BABAM2: variants seen among roughly 807,000 people sequenced by gnomAD.
BABAM2 encodes BRISC and BRCA1-A complex member 2.
A neutral mutation model predicts 54.7 loss-of-function variants in BABAM2; 31 were observed. The observed-to-expected ratio is 0.57, with a 90% CI of 0.43 to 0.77. BABAM2 has a LOEUF of 0.77. BABAM2 is among the 30% of genes least tolerant of loss of function. BABAM2 has a pLI of 0.00. For synonymous variants in BABAM2, 167 were observed against 162.9 expected, an observed-to-expected ratio of 1.03 and a Z score of -0.19; for missense variants, 364 against 455.8, an observed-to-expected ratio of 0.80 and a Z score of 1.83.
intron 7 of BABAM2, among the ~76,000 whole-genome samples, chr2:28,168,799 C>T (rs1249734125): frequency 6.6e-6 from 1 of 152,038 alleles, no homozygotes; most frequent in African/African-American, 2.4e-5. Context: ...GTTTTTTTCC[C>T]TTCATGTTCC....
chr2:28,302,565 A>G (rs1487283687), intron 11 of BABAM2, among the ~76,000 whole-genome samples: 2 of 152,222 alleles, frequency 1.3e-5, no homozygotes, highest in African/African-American at 4.8e-5. Flanking sequence ...TAGAGCTGCT[A>G]TGACCAAGCC....
At chr2:27,977,725 T>G (rs1189785507) in intron 3 of BABAM2, among the ~76,000 whole-genome samples, 1 of 152,172 alleles carries the variant, frequency 6.6e-6, no homozygotes, top group East Asian at 1.9e-4. Flanking sequence ...ATAGACAAAC[T>G]GGTACATATT....
intron 5 of BABAM2, among the ~76,000 whole-genome samples, chr2:28,029,559 CA>C (rs1316344332): frequency 2.6e-5 from 4 of 152,058 alleles, no homozygotes; most frequent in Admixed American, 6.5e-5. Context: ...GCATAGTGTT[CA>C]ATTGAGTGTA....
At chr2:28,224,622 C>G (rs1462902050) in intron 7 of BABAM2, among the ~76,000 whole-genome samples, 1 of 152,114 alleles carries the variant, frequency 6.6e-6, no homozygotes, top group Non-Finnish European at 1.5e-5. Flanking sequence ...CAAGCTCTCA[C>G]AAAACTGAAC....
chr2:28,047,805 A>G (rs1411332236), intron 6 of BABAM2, among the ~76,000 whole-genome samples: 1 of 152,198 alleles, frequency 6.6e-6, no homozygotes, highest in African/African-American at 2.4e-5. Flanking sequence ...AAAAGAGTAA[A>G]ACAACAATGA....
At chr2:28,014,376 T>A (rs953438465) in intron 4 of BABAM2, among the ~76,000 whole-genome samples, 1 of 152,212 alleles carries the variant, frequency 6.6e-6, no homozygotes, top group Non-Finnish European at 1.5e-5. Context: ...TTCAGACTAA[T>A]TCTGGCTCCA....
rs1280174739 is a variant in BABAM2 at position 27,997,598 on chromosome 2, T to C, written c.300+9511T>C. On this transcript the variant is annotated intron_variant, in intron 4 of 11. Coordinates refer to ENST00000379624, the MANE Select transcript of BABAM2 (RefSeq NM_199191.3). ...ATACACATATGCATACACATATAAT[T>C]TGAAAGCATGTGTTATAAACAAGGC... Among the ~76,000 whole-genome samples, 8 of 152,182 alleles carry C rather than the reference T, an allele frequency of 5.3e-5. No homozygotes were observed. In the South Asian group the frequency reaches 1.4e-3, roughly 28 times the overall value.
At chr2:28,145,656 G>A (rs946525482) in intron 7 of BABAM2, among the ~76,000 whole-genome samples, 3 of 152,126 alleles carry the variant, frequency 2.0e-5, no homozygotes, top group Non-Finnish European at 4.4e-5. Flanking sequence ...GAGTTGTGCA[G>A]CCATCACCAC....
At chr2:28,194,525 C>G (rs1449365912) in intron 7 of BABAM2, among the ~76,000 whole-genome samples, 4 of 150,572 alleles carry the variant, frequency 2.7e-5, no homozygotes, top group African/African-American at 7.3e-5. Flanking sequence ...CTAATGAAAC[C>G]GTAATTTTCA....
At chr2:28,062,987 C>T (rs1679027277) in intron 6 of BABAM2, among the ~76,000 whole-genome samples, 1 of 152,212 alleles carries the variant, frequency 6.6e-6, no homozygotes, top group Non-Finnish European at 1.5e-5. Flanking sequence ...CGTCTTTTCC[C>T]CTTCTTCTTG....
intron 6 of BABAM2, among the ~76,000 whole-genome samples, chr2:28,047,824 G>A (rs768403046): frequency 6.6e-5 from 10 of 152,098 alleles, no homozygotes; most frequent in Non-Finnish European, 1.3e-4. Flanking sequence ...GACCAAAAAG[G>A]AGAAACTCTT....
intron 10 of BABAM2, among the ~76,000 whole-genome samples, chr2:28,286,767 G>C (rs1014274658): frequency 4.6e-5 from 7 of 152,052 alleles, no homozygotes; most frequent in African/African-American, 1.7e-4. Context: ...CTTCGTCCTC[G>C]TCTCCTTTCC....
At chr2:28,064,049 G>A (rs750456661) in intron 6 of BABAM2, among the ~76,000 whole-genome samples, 1 of 152,260 alleles carries the variant, frequency 6.6e-6, no homozygotes, top group Admixed American at 6.5e-5. Context: ...AGAGCAAGCC[G>A]TTTTCACTGG....
chr2:28,020,709 T>G (rs752470918), intron 4 of BABAM2, among the ~76,000 whole-genome samples: 4 of 152,170 alleles, frequency 2.6e-5, no homozygotes, highest in Non-Finnish European at 4.4e-5. Context: ...AAACATACTG[T>G]AATAGTATAG....
intron 5 of BABAM2, among the ~76,000 whole-genome samples, chr2:28,041,845 A>C (rs1677125808): frequency 6.6e-6 from 1 of 152,038 alleles, no homozygotes; most frequent in African/African-American, 2.4e-5. Flanking sequence ...TGAAAGAATC[A>C]CTCTGCCTAT....
intron 7 of BABAM2, among the ~76,000 whole-genome samples, chr2:28,227,862 A>G (rs1343331814): frequency 2.0e-5 from 3 of 152,216 alleles, no homozygotes; most frequent in Non-Finnish European, 4.4e-5. Context: ...GAATAAACCT[A>G]GTAAATTGCC....
At chr2:28,305,023 C>T (rs576706407) in intron 11 of BABAM2, among the ~76,000 whole-genome samples, 1 of 152,308 alleles carries the variant, frequency 6.6e-6, no homozygotes, top group Admixed American at 6.5e-5. Context: ...AACAGCTTTA[C>T]TTCTTTCCTT....
At chr2:27,997,149 A>G (rs776427184) in intron 4 of BABAM2, among the ~76,000 whole-genome samples, 23 of 152,214 alleles carry the variant, frequency 1.5e-4, no homozygotes, top group Non-Finnish European at 2.5e-4. Flanking sequence ...AAATTATTAA[A>G]ATGAAGATAA....
intron 7 of BABAM2, among the ~76,000 whole-genome samples, chr2:28,189,541 G>A (rs1039495969): frequency 2.0e-5 from 3 of 152,156 alleles, no homozygotes; most frequent in African/African-American, 7.2e-5. Context: ...ATTTAAAATA[G>A]CATCAAAAAT....
Sources: gnomAD v4.1 joint callset for allele counts (sites outside exome capture counted in the v4.1 genomes callset) on GRCh38, gnomAD v4.1.1 for gene constraint, MANE v1.5 for transcripts, NCBI Gene and HGNC (gene_info 2026-07-23, HGNC 2026-07-21) for gene names.